FER: variants seen among roughly 807,000 people sequenced by gnomAD.
The protein encoded by FER is tyrosine-protein kinase Fer.
FER carries 63 observed loss-of-function variants against 111.0 expected under a neutral mutation model. The ratio of observed to expected loss-of-function variants is 0.57; its 90% CI spans 0.46 to 0.70. FER has a LOEUF of 0.70. Among genes scored for constraint, FER ranks in the 30% least tolerant of loss-of-function variants. FER has a pLI of 0.00. For missense variants in FER, 914 were observed against 954.0 expected (o/e 0.96, Z 0.55); for synonymous variants, 327 against 313.9 (o/e 1.04, Z -0.44).
At chr5:109,179,024 G>C (rs529116791) in intron 17 of FER, among the ~76,000 whole-genome samples, 1 of 152,046 alleles carries the variant, frequency 6.6e-6, no homozygotes, top group African/African-American at 2.4e-5. Flanking sequence ...TGGAACTACT[G>C]TAAATGGAAT....
At chr5:108,988,161 G>T (rs903322730) in intron 13 of FER, among the ~76,000 whole-genome samples, 7 of 152,054 alleles carry the variant, frequency 4.6e-5, no homozygotes, top group East Asian at 3.8e-4. Flanking sequence ...ATGGTGGATT[G>T]TCCTTTTGAT....
chr5:109,127,821 A>G (rs2126549830), intron 17 of FER, among the ~76,000 whole-genome samples: 1 of 152,306 alleles, frequency 6.6e-6, no homozygotes, highest in Non-Finnish European at 1.5e-5. Flanking sequence ...GGGACCCAGA[A>G]TCAGCCATAT....
chr5:109,004,958 T>C (rs989470162), intron 13 of FER, among the ~76,000 whole-genome samples: 1 of 152,048 alleles, frequency 6.6e-6, no homozygotes, highest in African/African-American at 2.4e-5. Flanking sequence ...AAAGAACTAC[T>C]GATAAAAGCA....
At position 108,872,150 on chromosome 5, in the gene FER, T is replaced by C. The variant is rs1174956765; in HGVS notation, c.861T>C (p.Asn287=). 1 of 1,611,460 alleles carries C rather than the reference T, an allele frequency of 6.2e-7. No homozygotes were observed. The highest frequency in any genetic ancestry group is 1.3e-5 in the African/African-American group (1 of 74,804). The change falls in exon 8 of 20, where the codon AAT becomes AAC. Residue 287 remains asparagine (N), a synonymous_variant. Transcript: ENST00000281092. ...IEFDTSLLEE[N]ENLQANEIMW... ...TTGATACTTCCTTACTGGAAGAAAATGAAAATCTTCAGGCAAATGAGATCA... is the reference window on the plus strand; with the variant it reads ...TTGATACTTCCTTACTGGAAGAAAACGAAAATCTTCAGGCAAATGAGATCA...
intron 17 of FER, among the ~76,000 whole-genome samples, chr5:109,131,932 T>C (rs1752403460): frequency 6.6e-6 from 1 of 152,138 alleles, no homozygotes; most frequent in Non-Finnish European, 1.5e-5. Flanking sequence ...CCAGTTAAAA[T>C]TCAGGCTTTG....
Position 108,923,704 on chromosome 5 carries a change from A to G in FER, c.1237-22426A>G, listed in dbSNP as rs112212739. On this transcript the variant is annotated intron_variant, in intron 10 of 19. Coordinates refer to ENST00000281092, the MANE Select transcript of FER (RefSeq NM_005246.4). ...TTTATGGTTTTGAGTATCCCACTCTACTTCCTCTCTAGCCCTGACACTTCA... is the reference window on the plus strand; with the variant it reads ...TTTATGGTTTTGAGTATCCCACTCTGCTTCCTCTCTAGCCCTGACACTTCA... Among the ~76,000 whole-genome samples the G allele has an allele frequency of 7.9e-3, 1,210 of 152,280 alleles. 17 individuals carry two copies. Among genetic ancestry groups the G allele is most frequent in the African/African-American group, 0.027 (1,138 of 41,562 alleles).
intron 13 of FER, among the ~76,000 whole-genome samples, chr5:109,031,792 T>G (rs1769661166): frequency 6.6e-6 from 1 of 152,196 alleles, no homozygotes; most frequent in Non-Finnish European, 1.5e-5. Flanking sequence ...TTTTTGAGAC[T>G]TCTTCTGACT....
intron 17 of FER, among the ~76,000 whole-genome samples, chr5:109,161,945 A>T (rs1006977509): frequency 2.0e-5 from 3 of 152,112 alleles, no homozygotes; most frequent in African/African-American, 4.8e-5. Flanking sequence ...TTACTTTTTA[A>T]TAGCCATTCC....
chr5:109,093,575 T>TA (rs1166061351), intron 16 of FER, among the ~76,000 whole-genome samples: 1 of 152,164 alleles, frequency 6.6e-6, no homozygotes, highest in African/African-American at 2.4e-5. Context: ...CATCCACTGA[T>TA]ATCATTGTTT....
intron 3 of FER, among the ~76,000 whole-genome samples, chr5:108,799,742 A>G (rs534172684): frequency 6.6e-6 from 1 of 152,278 alleles, no homozygotes; most frequent in Admixed American, 6.5e-5. Flanking sequence ...TTGGTATTTT[A>G]AAAGTCACAT....
At chr5:108,879,437 C>G (rs1334578034) in intron 8 of FER, among the ~76,000 whole-genome samples, 3 of 151,698 alleles carry the variant, frequency 2.0e-5, no homozygotes, top group African/African-American at 7.3e-5. Flanking sequence ...TGTTATTCCC[C>G]TCCCTGTATC....
At chr5:109,043,341 A>G (rs780935604) in intron 14 of FER, among the ~76,000 whole-genome samples, 2 of 152,184 alleles carry the variant, frequency 1.3e-5, no homozygotes, top group Admixed American at 6.5e-5. Flanking sequence ...CTTGAGAATA[A>G]CAGATGTGAA....
intron 6 of FER, among the ~76,000 whole-genome samples, chr5:108,870,347 T>C (rs1764485185): frequency 6.6e-6 from 1 of 152,138 alleles, no homozygotes; most frequent in Non-Finnish European, 1.5e-5. Context: ...ACTGTATTGC[T>C]TTAAAAGAGT....
intron 13 of FER, among the ~76,000 whole-genome samples, chr5:108,992,624 C>CG (rs538149908): frequency 2.1e-5 from 3 of 145,874 alleles, no homozygotes; most frequent in South Asian, 2.2e-4. Flanking sequence ...GCTGGCCGGG[C>CG]GGGGGGCTGA....
chr5:109,122,292 A>T (rs918389079), intron 17 of FER, among the ~76,000 whole-genome samples: 1 of 152,024 alleles, frequency 6.6e-6, no homozygotes, highest in Admixed American at 6.6e-5. Flanking sequence ...GTAGCAGGAC[A>T]TTTTTTAATT....
chr5:109,158,074 C>T (rs1443513585), intron 17 of FER, among the ~76,000 whole-genome samples: 3 of 151,736 alleles, frequency 2.0e-5, no homozygotes, highest in Admixed American at 6.6e-5. Context: ...AAAAAACAGG[C>T]GTGTATCTAT....
At chr5:109,114,510 A>G (rs192717262) in intron 17 of FER, among the ~76,000 whole-genome samples, 1 of 152,000 alleles carries the variant, frequency 6.6e-6, no homozygotes, top group East Asian at 1.9e-4. Context: ...AATGGATGAG[A>G]AAAAAAATGA....
chr5:109,094,191 A>G (rs1358934967), intron 16 of FER, among the ~76,000 whole-genome samples: 1 of 151,054 alleles, frequency 6.6e-6, no homozygotes, highest in Non-Finnish European at 1.5e-5. Context: ...TTTTTTGAGA[A>G]TTAAGAAATA....
At chr5:109,140,447 A>G (rs1231727046) in intron 17 of FER, among the ~76,000 whole-genome samples, 2 of 152,172 alleles carry the variant, frequency 1.3e-5, no homozygotes, top group Non-Finnish European at 2.9e-5. Context: ...TAAGAGTATG[A>G]TCAGTGGTGT....
Sources: gnomAD v4.1 joint callset for allele counts (sites outside exome capture counted in the v4.1 genomes callset) on GRCh38, gnomAD v4.1.1 for gene constraint, MANE v1.5 for transcripts, NCBI Gene and HGNC (gene_info 2026-07-23, HGNC 2026-07-21) for gene names.